Variants in MRPL11 observed in about 807,000 individuals in gnomAD.
The protein encoded by MRPL11 is mitochondrial ribosomal protein L11.
MRPL11 carries 21 observed loss-of-function variants against 19.1 expected under a neutral mutation model. The ratio of observed to expected loss-of-function variants is 1.10; its 90% CI spans 0.78 to 1.58. The LOEUF (loss-of-function observed/expected upper bound fraction) is 1.58, where lower values mean the gene tolerates loss of function less well. Ranked by LOEUF, MRPL11 falls within the 40% of genes most tolerant of loss-of-function variation. MRPL11 has a pLI of 0.00. For missense variants in MRPL11, 242 were observed against 243.9 expected (o/e 0.99, Z 0.05); for synonymous variants, 108 against 99.7 (o/e 1.08, Z -0.49).
chr11:66,438,135 G>C, intron 2 of MRPL11, 29 bp downstream of exon 2: 1 of 1,526,216 alleles, frequency 6.6e-7, no homozygotes, highest in South Asian at 1.1e-5. Flanking sequence ...GAGGGAGAAG[G>C]AAACCAGGGA....
chr11:66,438,725 GC>G lies in MRPL11; in HGVS notation c.29del (p.Gly10AlafsTer10). 1 of 1,578,504 alleles carries G rather than the reference GC, an allele frequency of 6.3e-7. No homozygotes were observed. Among genetic ancestry groups the G allele is most frequent in the South Asian group, 1.1e-5 (1 of 87,912 alleles). ...CACCGCCGACCTCGGGCTTCCTGAGGCCCCGGGCGGCCCGGCCGAGCTTTGA... is the reference window on the plus strand; with the variant it reads ...CACCGCCGACCTCGGGCTTCCTGAGGCCCGGGCGGCCCGGCCGAGCTTTGA... MSKLGRAAR[G>X]LRKPEVGGVI... On this transcript the variant is annotated frameshift_variant, in exon 1 of 5. Transcript: ENST00000310999. LOFTEE classifies it high-confidence loss of function.
In MRPL11 at chr11:66,436,785, T is replaced by C. The variant is rs1280710209; in HGVS notation, c.473+319A>G. ...GACACAGCTCAAAAGTCCTTCGCAC[T>C]GGTCCTTCCCTCATACCATTCTCCA... is the stretch of plus-strand genomic sequence containing the variant. On this transcript the variant is annotated intron_variant, in intron 4 of 4. Transcript: ENST00000310999. The C allele has an allele frequency of 3.2e-6, 5 of 1,544,508 alleles. No homozygotes were observed. The African/African-American group carries it at 6.8e-5, about 21-fold the overall frequency.
intron 4 of MRPL11, 71 bp downstream of exon 4, chr11:66,437,033 C>T: frequency 6.3e-7 from 1 of 1,588,506 alleles, no homozygotes. Flanking sequence ...CTGCAATGGG[C>T]CCTCTCAGCT....
chr11:66,438,671 C>T lies in MRPL11; in HGVS notation c.84G>A (p.Leu28=). 1 of 1,572,554 alleles carries T rather than the reference C, an allele frequency of 6.4e-7. No homozygotes were observed. The highest frequency in any genetic ancestry group is 1.4e-5 in the African/African-American group (1 of 73,368). The part of the protein sequence containing the change: ...GVIRAIVRAG[L]AMPGPPLGPV... The stretch of plus-strand genomic sequence containing the variant: ...GGCCTAGTGGGGGCCCGGGCATGGC[C>T]AGGCCTGCCCGCACGATCGCCCGGA... The change falls in exon 1 of 5, where the codon CTG becomes CTA. Residue 28 remains leucine, a synonymous_variant. Coordinates refer to ENST00000310999, the MANE Select transcript of MRPL11 (RefSeq NM_016050.5).
chr11:66,436,205 CT>C, intron 4 of MRPL11, 93 bp from the exon 5 acceptor site: 1 of 1,054,352 alleles, frequency 9.5e-7, no homozygotes, highest in Non-Finnish European at 1.4e-6. Context: ...GAAGGGGCCC[CT>C]GTCTCCAAGC....
At position 66,436,090 on chromosome 11, in the gene MRPL11, C is replaced by T. The variant is rs1292927590; in HGVS notation, c.496G>A (p.Ala166Thr). 1 of 1,613,922 alleles carries T rather than the reference C, an allele frequency of 6.2e-7. No homozygotes were observed. Among genetic ancestry groups the T allele is most frequent in the Non-Finnish European group, 8.5e-7 (1 of 1,179,910 alleles). Residue 166 changes from alanine (A) to threonine (T), a missense_variant, in exon 5 of 5, where the codon GCT becomes ACT. By Grantham distance (58) the Ala-to-Thr change is moderately conservative. Transcript: ENST00000310999. ...AAGATGGCTCGTTCCTTCTGGAAAG[C>T]TGCAAGCTCTTCTGAACTGAGGCTG... ...VKDLSSEELAAFQKERAIFLA... is the reference protein window; with the variant it reads ...VKDLSSEELATFQKERAIFLA...
intron 4 of MRPL11, 54 bp downstream of exon 4, chr11:66,437,050 G>T: frequency 6.8e-7 from 1 of 1,466,212 alleles, no homozygotes; most frequent in South Asian, 1.1e-5. Flanking sequence ...AGCTCTGCCC[G>T]AGTCCAGAGC....
rs893792303 is a variant in MRPL11 at position 66,438,593 on chromosome 11, C to G, written c.123+39G>C. On this transcript the variant is annotated intron_variant, in intron 1 of 4. Transcript: ENST00000310999. ...CATCCGCGTCCTAGCTTCCACCATCCTAGACAACCCCCACGTCGGGTTCCC... is the reference window on the plus strand; with the variant it reads ...CATCCGCGTCCTAGCTTCCACCATCGTAGACAACCCCCACGTCGGGTTCCC... 8.7e-6 allele frequency: 13 copies of G among 1,490,374 alleles called. No individual in the cohort carries two copies. The African/African-American group carries it at 1.4e-4, about 16-fold the overall frequency. 92.3% of individuals were successfully genotyped at this position (1,490,374 alleles called of 1,614,324 possible).
Position 66,437,216 on chromosome 11 carries a change from C to G in MRPL11, c.361G>C (p.Ala121Pro). 1 of 1,614,206 alleles carries G rather than the reference C, an allele frequency of 6.2e-7. No individual in the cohort carries two copies. The highest frequency in any genetic ancestry group is 8.5e-7 in the Non-Finnish European group (1 of 1,180,038). Reference sequence around the variant, plus strand: ...GCCTCATCCTGAGCTTTGATGCGGGCAATCTCATACACATGCTTCAAGGTC... The same window carrying G: ...GCCTCATCCTGAGCTTTGATGCGGGGAATCTCATACACATGCTTCAAGGTC... ...LVTLKHVYEI[A>P]RIKAQDEAFA... is the part of the protein sequence containing the mutation. The change falls in exon 4 of 5, where the codon GCC (alanine) becomes CCC (proline). Residue 121 changes from alanine to proline, a missense_variant. By Grantham distance (27) the Ala-to-Pro change is conservative. Coordinates refer to ENST00000310999, the MANE Select transcript of MRPL11 (RefSeq NM_016050.5).
rs746196172 is a variant in MRPL11 at position 66,436,799 on chromosome 11, T to A, written c.473+305A>T. The A allele has an allele frequency of 2.1e-5, 33 of 1,597,600 alleles. No individual in the cohort carries two copies. In the Admixed American group the frequency reaches 5.0e-4, roughly 24 times the overall value. ...GTCCTTCGCACTGGTCCTTCCCTCA[T>A]ACCATTCTCCACTTGCCTCTAGGAC... On this transcript the variant is annotated intron_variant, in intron 4 of 4. Coordinates refer to ENST00000310999, the MANE Select transcript of MRPL11 (RefSeq NM_016050.5).
chr11:66,437,169 G>C lies in MRPL11; in HGVS notation c.408C>G (p.Pro136=). 6.2e-7 allele frequency: 1 copy of C among 1,614,220 alleles called. No individual in the cohort carries two copies. The highest frequency in any genetic ancestry group is 2.2e-5 in the East Asian group (1 of 44,878). Residue 136 remains proline (P), a synonymous_variant, in exon 4 of 5, where the codon CCC becomes CCG. Coordinates refer to ENST00000310999, the MANE Select transcript of MRPL11 (RefSeq NM_016050.5). The stretch of plus-strand genomic sequence containing the variant: ...TGATGGAGCGGACAACAGACGACAG[G>C]GGTACATCCTGCAGGGCAAATGCCT... ...QDEAFALQDV[P]LSSVVRSIIG...
At position 66,438,144 on chromosome 11, in the gene MRPL11, G is replaced by C. The variant is rs1321976598; in HGVS notation, c.219+20C>G. 6.4e-7 allele frequency: 1 copy of C among 1,559,718 alleles called. No individual in the cohort carries two copies. The highest frequency in any genetic ancestry group is 1.4e-5 in the African/African-American group (1 of 73,768). ...AGAACAGAGGGAGAAGGAAACCAGG[G>C]ATCAGAGTCCAGACTCCACCTTCAC... On this transcript the variant is annotated intron_variant, in intron 2 of 4. Transcript: ENST00000310999.
chr11:66,436,809 C>T (rs749467395), intron 4 of MRPL11: 14 of 1,608,634 alleles, frequency 8.7e-6, no homozygotes, highest in African/African-American at 4.0e-5. Context: ...TACCATTCTC[C>T]ACTTGCCTCT....
At chr11:66,437,543 T>C (rs1452355589) in intron 2 of MRPL11, 100 bp from the exon 3 acceptor site, 2 of 1,069,608 alleles carry the variant, frequency 1.9e-6, no homozygotes, top group East Asian at 2.5e-5. Flanking sequence ...CACTTTCCAA[T>C]GGCATCCCTC....
At chr11:66,437,710 T>TA (rs1857013953) in intron 2 of MRPL11, among the ~76,000 whole-genome samples, 1 of 152,054 alleles carries the variant, frequency 6.6e-6, no homozygotes, top group Non-Finnish European at 1.5e-5. Flanking sequence ...CCATCTCTAC[T>TA]AAAAATACAA....
chr11:66,436,153 C>A, intron 4 of MRPL11, 41 bp from the exon 5 acceptor site: 1 of 1,558,830 alleles, frequency 6.4e-7, no homozygotes, highest in South Asian at 1.1e-5. Context: ...CATGATTGGT[C>A]ACCAGTGGGA....
Position 66,436,109 on chromosome 11 carries a change from G to A in MRPL11, c.477C>T (p.Leu159=), listed in dbSNP as rs774306336. 8 of 1,613,312 alleles carry A rather than the reference G, an allele frequency of 5.0e-6. No homozygotes were observed. The South Asian group carries it at 8.8e-5, about 18-fold the overall frequency. ...GGAAAGCTGCAAGCTCTTCTGAACTGAGGCTGCAAGTGAAAAAAGACAAAT... is the reference window on the plus strand; with the variant it reads ...GGAAAGCTGCAAGCTCTTCTGAACTAAGGCTGCAAGTGAAAAAAGACAAAT... ...RSLGIRVVKD[L]SSEELAAFQK... Residue 159 remains leucine (L), a synonymous_variant, in exon 5 of 5, where the codon CTC becomes CTT. Transcript: ENST00000310999.
Position 66,437,005 on chromosome 11 carries a change from TA to T in MRPL11, c.473+98del, listed in dbSNP as rs1565246964. The stretch of plus-strand genomic sequence containing the variant: ...CTCTAGAATCTAGGGTCCCTTGACT[TA>T]AAAGCTGACTTTCCCACTGCAATGG... On this transcript the variant is annotated intron_variant, in intron 4 of 4. Transcript: ENST00000310999. 12 of 1,558,276 alleles carry T rather than the reference TA, an allele frequency of 7.7e-6. No individual in the cohort carries two copies. The Admixed American group carries it at 1.2e-4, about 16-fold the overall frequency.
Position 66,438,268 on chromosome 11 carries a change from G to C in MRPL11, c.124-9C>G. 1 of 1,602,712 alleles carries C rather than the reference G, an allele frequency of 6.2e-7. No individual in the cohort carries two copies. Among genetic ancestry groups the C allele is most frequent in the South Asian group, 1.1e-5 (1 of 90,864 alleles). ...TTGATGGAAACGCCTCTCTGTGAGGGAAGCAGAGGGGGTTAGTGGTGAGAG... is the reference window on the plus strand; with the variant it reads ...TTGATGGAAACGCCTCTCTGTGAGGCAAGCAGAGGGGGTTAGTGGTGAGAG... On this transcript the variant is annotated splice_polypyrimidine_tract_variant and intron_variant, in intron 1 of 4. Transcript: ENST00000310999.
Sources: gnomAD v4.1 joint callset for allele counts (sites outside exome capture counted in the v4.1 genomes callset) on GRCh38, gnomAD v4.1.1 for gene constraint, MANE v1.5 for transcripts, NCBI Gene and HGNC (gene_info 2026-07-23, HGNC 2026-07-21) for gene names.